NRXN1: variants seen among roughly 807,000 people sequenced by gnomAD.
The protein encoded by NRXN1 is neurexin 1, also known as neurexin-1.
Under a neutral mutation model 150.9 loss-of-function variants are expected in NRXN1, and 39 were observed. The observed-to-expected ratio is 0.26, with a 90% CI of 0.20 to 0.34. NRXN1 has a LOEUF of 0.34. Ranked by LOEUF, NRXN1 falls within the 10% of genes least tolerant of loss-of-function variation. The probability of loss-of-function intolerance (pLI) is 1.00; values close to 1 mark genes in which losing one functional copy is unlikely to be tolerated. For missense variants in NRXN1, 1,815 were observed against 1,949.9 expected (o/e 0.93, Z 1.30); for synonymous variants, 924 against 757.0 (o/e 1.22, Z -3.62).
intron 12 of NRXN1, among the ~76,000 whole-genome samples, chr2:50,523,514 T>C (rs1000683991): frequency 6.6e-6 from 1 of 152,214 alleles, no homozygotes; most frequent in South Asian, 2.1e-4. Flanking sequence ...TTAAGTAGCT[T>C]CTCAAATGGC....
At position 50,554,718 on chromosome 2, in the gene NRXN1, C is replaced by T. The variant is rs183945630; in HGVS notation, c.1321-1693G>A. Reference sequence around the variant, plus strand: ...ATAGGAAAACATTTAGAAATAAAGCCCACACATATAATTGGTTTTTATACA... The same window carrying T: ...ATAGGAAAACATTTAGAAATAAAGCTCACACATATAATTGGTTTTTATACA... On this transcript the variant is annotated intron_variant, in intron 8 of 22. Coordinates refer to ENST00000401669, the MANE Select transcript of NRXN1 (RefSeq NM_001330078.2). 4.6e-3 allele frequency among the ~76,000 whole-genome samples: 695 copies of T among 152,076 alleles called. 1 individual carries two copies. The highest frequency in any genetic ancestry group is 7.6e-3 in the Non-Finnish European group (516 of 67,964).
At chr2:50,269,693 CGA>C (rs1325769276) in intron 17 of NRXN1, among the ~76,000 whole-genome samples, 1 of 152,056 alleles carries the variant, frequency 6.6e-6, no homozygotes, top group Non-Finnish European at 1.5e-5. Context: ...GCAAACTAGT[CGA>C]GTTTTCTCAT....
chr2:50,284,133 T>G (rs1039359789), intron 17 of NRXN1, among the ~76,000 whole-genome samples: 2 of 152,192 alleles, frequency 1.3e-5, no homozygotes, highest in African/African-American at 4.8e-5. Flanking sequence ...TCTTGGAAAT[T>G]ATGGTGATTC....
At chr2:50,255,825 T>C (rs1027906354) in intron 17 of NRXN1, among the ~76,000 whole-genome samples, 3 of 152,178 alleles carry the variant, frequency 2.0e-5, no homozygotes, top group African/African-American at 7.2e-5. Context: ...TTTTAACACA[T>C]TATAGTCTGC....
chr2:51,004,707 G>A (rs552237557), intron 2 of NRXN1, among the ~76,000 whole-genome samples: 1 of 151,908 alleles, frequency 6.6e-6, no homozygotes, highest in Admixed American at 6.6e-5. Context: ...TATGATTCTG[G>A]TATTTTCCCT....
chr2:50,231,318 T>C (rs1260793056), intron 18 of NRXN1, among the ~76,000 whole-genome samples: 1 of 152,086 alleles, frequency 6.6e-6, no homozygotes, highest in African/African-American at 2.4e-5. Context: ...AAGGTATTTC[T>C]GAATCAAATC....
chr2:50,292,039 A>G (rs1297438361), intron 17 of NRXN1, among the ~76,000 whole-genome samples: 1 of 152,086 alleles, frequency 6.6e-6, no homozygotes, highest in Non-Finnish European at 1.5e-5. Flanking sequence ...GCAGGTTACC[A>G]CCCTTCAACT....
chr2:50,689,854 TTGTGTGTGTGTG>T (rs796892350), intron 5 of NRXN1, among the ~76,000 whole-genome samples: 110 of 135,338 alleles, frequency 8.1e-4, no homozygotes, highest in Admixed American at 3.1e-3. Context: ...TTTTGCTTAT[TTGTGTGTGTGTG>T]TGTGTGTGTG....
chr2:50,206,700 G>T (rs2062607968), intron 18 of NRXN1, among the ~76,000 whole-genome samples: 1 of 151,944 alleles, frequency 6.6e-6, no homozygotes, highest in African/African-American at 2.4e-5. Flanking sequence ...TTTGTTTTCA[G>T]CTTTGCTCTA....
chr2:50,690,668 A>G (rs886197450), intron 5 of NRXN1, among the ~76,000 whole-genome samples: 1 of 152,220 alleles, frequency 6.6e-6, no homozygotes, highest in African/African-American at 2.4e-5. Flanking sequence ...CATATAGTAC[A>G]TATCTGTACT....
intron 5 of NRXN1, among the ~76,000 whole-genome samples, chr2:50,882,056 A>T (rs1679521092): frequency 6.6e-6 from 1 of 151,898 alleles, no homozygotes; most frequent in African/African-American, 2.4e-5. Flanking sequence ...CAATAAAACA[A>T]CCACTAAAAG....
chr2:50,390,331 G>A lies in NRXN1; in HGVS notation c.3364+75111C>T, dbSNP rs1330871330. On this transcript the variant is annotated intron_variant, in intron 17 of 22. Coordinates refer to ENST00000401669, the MANE Select transcript of NRXN1 (RefSeq NM_001330078.2). ...TTTAATTCCATGAATCAAAAGGGAAGTCCCCTTTGTACATTCTTCTTTTAA... is the reference window on the plus strand; with the variant it reads ...TTTAATTCCATGAATCAAAAGGGAAATCCCCTTTGTACATTCTTCTTTTAA... 1.3e-5 allele frequency among the ~76,000 whole-genome samples: 2 copies of A among 152,076 alleles called. 1 individual carries two copies. The highest frequency in any genetic ancestry group is 1.3e-4 in the Admixed American group (2 of 15,264).
chr2:50,493,700 G>A (rs1170499893), intron 15 of NRXN1, among the ~76,000 whole-genome samples: 1 of 152,110 alleles, frequency 6.6e-6, no homozygotes, highest in African/African-American at 2.4e-5. Context: ...TGTTGCCATC[G>A]GATCACATAC....
At chr2:50,214,688 T>C (rs1574530836) in intron 18 of NRXN1, among the ~76,000 whole-genome samples, 1 of 152,038 alleles carries the variant, frequency 6.6e-6, no homozygotes, top group East Asian at 1.9e-4. Context: ...ATAATTTCTC[T>C]CTAGATTTCA....
At chr2:50,664,135 C>A (rs1047130876) in intron 5 of NRXN1, among the ~76,000 whole-genome samples, 2 of 151,892 alleles carry the variant, frequency 1.3e-5, no homozygotes, top group East Asian at 1.9e-4. Flanking sequence ...TTAAACAAAC[C>A]AATTATTTAA....
At chr2:50,059,957 T>C (rs1022433406) in intron 19 of NRXN1, among the ~76,000 whole-genome samples, 4 of 152,160 alleles carry the variant, frequency 2.6e-5, no homozygotes, top group African/African-American at 9.7e-5. Context: ...GCTAGGGCAG[T>C]GCAGAAAGAA....
chr2:50,741,202 G>A (rs1390676452), intron 5 of NRXN1, among the ~76,000 whole-genome samples: 3 of 152,108 alleles, frequency 2.0e-5, no homozygotes, highest in African/African-American at 7.2e-5. Context: ...ATAAAACAGA[G>A]TCTGGACTTA....
intron 5 of NRXN1, among the ~76,000 whole-genome samples, chr2:50,806,497 G>C (rs1001149538): frequency 1.3e-5 from 2 of 151,942 alleles, no homozygotes. Flanking sequence ...TTTACTTTTT[G>C]TAAGTTAAAC....
intron 5 of NRXN1, among the ~76,000 whole-genome samples, chr2:50,867,594 G>C (rs67817970): frequency 0.1 from 15,632 of 151,608 alleles, 905 homozygotes; most frequent in Middle Eastern, 0.11. Context: ...CCATTGGAGA[G>C]ATATGCCTTT....
Sources: allele counts gnomAD v4.1 joint callset (sites outside exome capture counted in the v4.1 genomes callset), GRCh38; gene constraint gnomAD v4.1.1; transcripts MANE v1.5; gene names NCBI Gene and HGNC (gene_info 2026-07-23, HGNC 2026-07-21).